The following MICAL2 variants were observed in gnomAD, a reference collection of about 807,000 sequenced individuals.
MICAL2 encodes [F-actin]-monooxygenase MICAL2.
In MICAL2, 77 loss-of-function variants were observed where a neutral mutation model predicts 127.3. That is an observed-to-expected ratio of 0.60 (90% CI 0.50 to 0.73). The LOEUF is 0.73. MICAL2 is among the 30% of genes least tolerant of loss of function. MICAL2 has a pLI of 0.00. For missense variants in MICAL2, 1,351 were observed against 1,434.4 expected (o/e 0.94, Z 0.94); for synonymous variants, 570 against 551.1 (o/e 1.03, Z -0.48).
At chr11:12,243,915 A>C (rs1860334673) in intron 20 of MICAL2, 72 bp from the exon 21 acceptor site, 1 of 1,567,018 alleles carries the variant, frequency 6.4e-7, no homozygotes, top group East Asian at 2.2e-5. Context: ...ATGGGACTGC[A>C]TGATTGAGGC....
At position 12,201,118 on chromosome 11, in the gene MICAL2, C is replaced by T. The variant is rs533136451; in HGVS notation, c.265-3132C>T. Among the ~76,000 whole-genome samples, 441 of 152,090 alleles carry T rather than the reference C, an allele frequency of 2.9e-3. 1 individual carries two copies. Among genetic ancestry groups the T allele is most frequent in the Middle Eastern group, 6.8e-3 (2 of 294 alleles). ...GAGTGAGATAAAGAGCAGTGCTGGG[C>T]TTGGGAAGCGGGGCTTGGTTCTTTC... On this transcript the variant is annotated intron_variant, in intron 3 of 27. Transcript: ENST00000683283.
At chr11:12,294,023 A>G, downstream of MICAL2, 1 of 1,614,168 alleles carries the variant, frequency 6.2e-7, no homozygotes, top group South Asian at 1.1e-5. Flanking sequence ...GAATGACTCC[A>G]TCCCTGAGAG....
rs144583686 is a variant in MICAL2, at chr11:12,185,984, G to A, written c.265-18266G>A. On this transcript the variant is annotated intron_variant, in intron 3 of 27. Transcript: ENST00000683283. ...GCTCAGCAAAGGAGTCATGGAACTAGAGGGTTGGCCCAGTAGCTCTGATGG... is the reference window on the plus strand; with the variant it reads ...GCTCAGCAAAGGAGTCATGGAACTAAAGGGTTGGCCCAGTAGCTCTGATGG... Among the ~76,000 whole-genome samples, 825 of 152,378 alleles carry A rather than the reference G, an allele frequency of 5.4e-3. 13 individuals carry two copies. The highest frequency in any genetic ancestry group is 0.017 in the Middle Eastern group (5 of 294).
intron 15 of MICAL2, among the ~76,000 whole-genome samples, chr11:12,233,347 T>G (rs1206905822): frequency 3.3e-5 from 5 of 152,220 alleles, no homozygotes; most frequent in African/African-American, 1.2e-4. Context: ...GAAAGAGCTC[T>G]CTTGCTATCA....
chr11:12,194,773 A>C (rs1234832608), intron 3 of MICAL2, among the ~76,000 whole-genome samples: 4 of 152,190 alleles, frequency 2.6e-5, no homozygotes, highest in African/African-American at 9.7e-5. Context: ...GGGTACCAGC[A>C]CCAGAGCCCA....
intron 1 of MICAL2, among the ~76,000 whole-genome samples, chr11:12,122,362 G>C (rs560578903): frequency 1.3e-5 from 2 of 152,294 alleles, no homozygotes; most frequent in South Asian, 4.1e-4. Context: ...CCTTGTTGCC[G>C]CAGGCCTCTC....
intron 32 of MICAL2, among the ~76,000 whole-genome samples, chr11:12,337,016 T>TCAGAAGGAATGGTTC (rs1369099140): frequency 6.6e-6 from 1 of 152,246 alleles, no homozygotes; most frequent in East Asian, 1.9e-4. Context: ...TGGAATAGTT[T>TCAGAAGGAATGGTTC]CAGAAGGAAT....
chr11:12,142,851 T>A (rs1233217109), intron 2 of MICAL2, among the ~76,000 whole-genome samples: 1 of 152,232 alleles, frequency 6.6e-6, no homozygotes, highest in Non-Finnish European at 1.5e-5. Flanking sequence ...TCTAAAGCCC[T>A]TCCTGGTTCC....
At chr11:12,175,393 T>C (rs994384752) in intron 3 of MICAL2, among the ~76,000 whole-genome samples, 7 of 152,142 alleles carry the variant, frequency 4.6e-5, no homozygotes, top group Admixed American at 2.6e-4. Flanking sequence ...GGAAAACTGC[T>C]TGAACCCAGG....
chr11:12,239,164 C>T (rs1013546987), intron 16 of MICAL2, among the ~76,000 whole-genome samples: 2 of 146,656 alleles, frequency 1.4e-5, no homozygotes, highest in Admixed American at 1.4e-4. Flanking sequence ...TAAAGTAAAT[C>T]GCCAACATCA....
intron 3 of MICAL2, among the ~76,000 whole-genome samples, chr11:12,174,185 G>A (rs917379508): frequency 3.3e-5 from 5 of 151,418 alleles, no homozygotes; most frequent in Non-Finnish European, 5.9e-5. Flanking sequence ...CAAGCAAAAT[G>A]TGGTAAAATA....
At chr11:12,262,004 C>T (rs1005932802) in intron 26 of MICAL2, 54 of 1,000,376 alleles carry the variant, frequency 5.4e-5, no homozygotes, top group Admixed American at 1.6e-4. Flanking sequence ...AAGCCCGAGT[C>T]GGAATCTCTG....
chr11:12,142,827 G>T (rs930228715), intron 2 of MICAL2, among the ~76,000 whole-genome samples: 1 of 152,220 alleles, frequency 6.6e-6, no homozygotes. Flanking sequence ...GGACTCAAAC[G>T]CAAGGTATCT....
At chr11:12,152,949 A>G (rs1853757191) in intron 2 of MICAL2, among the ~76,000 whole-genome samples, 1 of 151,482 alleles carries the variant, frequency 6.6e-6, no homozygotes, top group African/African-American at 2.4e-5. Flanking sequence ...TAGTGGTGGT[A>G]GGGTTTTTTT....
At chr11:12,352,839 C>T (rs778039541) in intron 33 of MICAL2, among the ~76,000 whole-genome samples, 4 of 152,160 alleles carry the variant, frequency 2.6e-5, no homozygotes, top group South Asian at 2.1e-4. Flanking sequence ...CCAGATGCAG[C>T]GCAGCTCTGA....
intron 21 of MICAL2, among the ~76,000 whole-genome samples, 161 bp downstream of exon 21, chr11:12,244,273 G>A (rs921402712): frequency 2.3e-4 from 35 of 152,162 alleles, no homozygotes; most frequent in African/African-American, 8.2e-4. Flanking sequence ...TTTTGTGTTA[G>A]AGCACACAAC....
intron 29 of MICAL2, among the ~76,000 whole-genome samples, chr11:12,316,980 C>G (rs1864239390): frequency 6.6e-6 from 1 of 152,188 alleles, no homozygotes; most frequent in Non-Finnish European, 1.5e-5. Flanking sequence ...TTGAACATCT[C>G]TCAGTCCTAA....
At chr11:12,291,597 G>C (rs915868109), downstream of MICAL2, among the ~76,000 whole-genome samples, 2 of 151,756 alleles carry the variant, frequency 1.3e-5, no homozygotes, top group African/African-American at 2.4e-5. Flanking sequence ...GATACTCACT[G>C]TAACCTCCCT....
chr11:12,160,286 C>T (rs182300885), intron 2 of MICAL2, among the ~76,000 whole-genome samples: 1 of 152,258 alleles, frequency 6.6e-6, no homozygotes, highest in East Asian at 1.9e-4. Flanking sequence ...CCTTCTCTTC[C>T]GGCTCCTCTC....
Sources: gnomAD v4.1 joint callset for allele counts (sites outside exome capture counted in the v4.1 genomes callset) on GRCh38, gnomAD v4.1.1 for gene constraint, MANE v1.5 for transcripts, NCBI Gene and HGNC (gene_info 2026-07-23, HGNC 2026-07-21) for gene names.